PLA2G2C: variants seen among roughly 807,000 people sequenced by gnomAD.
The protein encoded by PLA2G2C is phospholipase A2 group IIC.
In PLA2G2C, 15 loss-of-function variants were observed where a neutral mutation model predicts 14.3. The observed-to-expected ratio is 1.05, with a 90% confidence interval of 0.70 to 1.62. The LOEUF (loss-of-function observed/expected upper bound fraction) is 1.62, where lower values mean the gene tolerates loss of function less well. Ranked by LOEUF, PLA2G2C falls within the 40% of genes most tolerant of loss-of-function variation. The pLI, the probability that PLA2G2C is intolerant of heterozygous loss-of-function variation, is 0.00. For synonymous variants in PLA2G2C, 79 were observed against 67.7 expected, an observed-to-expected ratio of 1.17 and a Z score of -0.82; for missense variants, 162 against 173.2, an observed-to-expected ratio of 0.94 and a Z score of 0.36.
At chr1:20,172,005 C>T (rs1170492258) in intron 4 of PLA2G2C, among the ~76,000 whole-genome samples, 3 of 151,700 alleles carry the variant, frequency 2.0e-5, no homozygotes, top group African/African-American at 4.8e-5. Context: ...CCTCGTGATC[C>T]GCCCGCCTCG....
At chr1:20,179,448 C>T (rs540414784) in intron 1 of PLA2G2C, among the ~76,000 whole-genome samples, 2 of 149,928 alleles carry the variant, frequency 1.3e-5, no homozygotes, top group East Asian at 2.0e-4. Context: ...TGTGTGTCAG[C>T]TTCTCCGTGT....
chr1:20,177,048 G>A (rs1464437693), intron 2 of PLA2G2C, among the ~76,000 whole-genome samples: 1 of 152,170 alleles, frequency 6.6e-6, no homozygotes, highest in Admixed American at 6.5e-5. Context: ...ACTCTTGAGG[G>A]TGAGGGGGGT....
chr1:20,185,753 G>A (rs2018362612), intron 1 of PLA2G2C, among the ~76,000 whole-genome samples: 1 of 152,166 alleles, frequency 6.6e-6, no homozygotes, highest in Admixed American at 6.5e-5. Flanking sequence ...GAGGGTCAGG[G>A]CCTGACCCAA....
chr1:20,179,212 C>CTGTGTG (rs35377696), intron 1 of PLA2G2C, among the ~76,000 whole-genome samples: 2,504 of 149,848 alleles, frequency 0.017, 61 homozygotes, highest in African/African-American at 0.057. Context: ...GTCAGTTTCT[C>CTGTGTG]TGTGTGTGTG....
At chr1:20,179,246 TC>T (rs2018237260) in intron 1 of PLA2G2C, among the ~76,000 whole-genome samples, 1 of 146,822 alleles carries the variant, frequency 6.8e-6, no homozygotes, top group Admixed American at 6.7e-5. Context: ...GTTAGCTTGT[TC>T]TTCTGTGTCA....
At chr1:20,183,408 G>A (rs2018307430) in intron 1 of PLA2G2C, among the ~76,000 whole-genome samples, 1 of 152,212 alleles carries the variant, frequency 6.6e-6, no homozygotes, top group Non-Finnish European at 1.5e-5. Flanking sequence ...CTTGGGGGTG[G>A]GACTCTGGGG....
intron 2 of PLA2G2C, among the ~76,000 whole-genome samples, chr1:20,176,773 C>T (rs752211030): frequency 1.3e-5 from 2 of 152,210 alleles, no homozygotes; most frequent in African/African-American, 2.4e-5. Context: ...GACAAACCTC[C>T]ACTCAACGAA....
At chr1:20,165,932 C>A (rs79861896) in intron 4 of PLA2G2C, among the ~76,000 whole-genome samples, 3 of 152,202 alleles carry the variant, frequency 2.0e-5, no homozygotes, top group Non-Finnish European at 4.4e-5. Context: ...GGCCACCAGA[C>A]GCCCGGTTTA....
At chr1:20,173,446 A>AG (rs1333633944) in intron 3 of PLA2G2C, among the ~76,000 whole-genome samples, 1 of 152,168 alleles carries the variant, frequency 6.6e-6, no homozygotes, top group Non-Finnish European at 1.5e-5. Context: ...GCCCTTTTGT[A>AG]GGGGAGGGAC....
Position 20,168,154 on chromosome 1 carries a change from C to G in PLA2G2C, c.284-3997G>C, listed in dbSNP as rs540122385. Among the ~76,000 whole-genome samples, 37 of 152,336 alleles carry G rather than the reference C, an allele frequency of 2.4e-4. 1 individual carries two copies. In the South Asian group the frequency reaches 3.7e-3, roughly 15 times the overall value. The stretch of plus-strand genomic sequence containing the variant: ...GAGACAGGAAGCCAGGTTCTTGGGC[C>G]AAATATGCTGCTTCTGTGCTTTGGG... On this transcript the variant is annotated intron_variant, in intron 4 of 4. Transcript: ENST00000679259.
intron 1 of PLA2G2C, among the ~76,000 whole-genome samples, chr1:20,183,940 G>A (rs974231141): frequency 1.4e-4 from 22 of 152,206 alleles, no homozygotes; most frequent in Admixed American, 1.2e-3. Flanking sequence ...CTCTGGGTAT[G>A]TGCCAGACAC....
chr1:20,176,108 AC>A (rs554082216), intron 2 of PLA2G2C, among the ~76,000 whole-genome samples: 49 of 152,010 alleles, frequency 3.2e-4, no homozygotes, highest in African/African-American at 1.1e-3. Flanking sequence ...ACGGGGTTTC[AC>A]CATCTTGGCC....
intron 1 of PLA2G2C, among the ~76,000 whole-genome samples, chr1:20,177,737 C>T (rs1289676038): frequency 3.3e-5 from 5 of 151,654 alleles, no homozygotes; most frequent in Non-Finnish European, 7.4e-5. Flanking sequence ...TTCCTCTGTT[C>T]CCGAGTTGGA....
intron 3 of PLA2G2C, 33 bp from the exon 4 acceptor site, chr1:20,172,930 G>T (rs1234430443): frequency 6.5e-7 from 1 of 1,550,384 alleles, no homozygotes; most frequent in Admixed American, 1.7e-5. Flanking sequence ...TCTGCTGGAG[G>T]ACCTTATCTG....
chr1:20,175,205 T>A lies in PLA2G2C; in HGVS notation c.41-60A>T, dbSNP rs764318077. ...AGTTGCAATGAGCATGATGCTGCCT[T>A]GATGTCCCCTCCCCTTACTAGAGTG... On this transcript the variant is annotated intron_variant, in intron 2 of 4. Transcript: ENST00000679259. The A allele has an allele frequency of 2.9e-5, 46 of 1,612,274 alleles. No homozygotes were observed. In the Admixed American group the frequency reaches 7.7e-4, roughly 27 times the overall value.
Position 20,175,165 on chromosome 1 carries a change from A to C in PLA2G2C, c.41-20T>G. On this transcript the variant is annotated intron_variant, in intron 2 of 4. Coordinates refer to ENST00000679259, the MANE Select transcript of PLA2G2C (RefSeq NM_001367969.2). ...TGGGGGCTGCCACCACCGATGAGAA[A>C]AAAAGGAAGAAGGAAGTTGCAATGA... is the stretch of plus-strand genomic sequence containing the variant. 1 of 1,613,934 alleles carries C rather than the reference A, an allele frequency of 6.2e-7. No individual in the cohort carries two copies. The highest frequency in any genetic ancestry group is 8.5e-7 in the Non-Finnish European group (1 of 1,179,866).
chr1:20,180,325 G>A (rs1184230827), intron 1 of PLA2G2C, among the ~76,000 whole-genome samples: 2 of 152,186 alleles, frequency 1.3e-5, no homozygotes, highest in African/African-American at 2.4e-5. Context: ...AAGGAGCAGT[G>A]AACTCTCTTG....
Position 20,186,507 on chromosome 1 carries a change from C to T in PLA2G2C, c.-224G>A, listed in dbSNP as rs1348582658. 6.6e-6 allele frequency: 1 copy of T among 152,322 alleles called. No homozygotes were observed. The highest frequency in any genetic ancestry group is 2.4e-5 in the African/African-American group (1 of 41,448). The allele number at this position is 152,322 out of a possible 1,614,324, so 9.4% of individuals were successfully genotyped here. The stretch of plus-strand genomic sequence containing the variant: ...GTCCCAGTCTCCGGCAGGGCAGAGA[C>T]GAGAACCAGAGGGCCCCTCCCCCAG... On this transcript the variant is annotated 5_prime_UTR_variant, in exon 1 of 5. Transcript: ENST00000679259.
At chr1:20,182,691 T>C (rs112371929) in intron 1 of PLA2G2C, among the ~76,000 whole-genome samples, 23 of 152,378 alleles carry the variant, frequency 1.5e-4, no homozygotes, top group African/African-American at 5.3e-4. Context: ...GCCTTGCTAC[T>C]AGAATATCCA....
Sources: gnomAD v4.1 joint callset for allele counts (sites outside exome capture counted in the v4.1 genomes callset) on GRCh38, gnomAD v4.1.1 for gene constraint, MANE v1.5 for transcripts, NCBI Gene and HGNC (gene_info 2026-07-23, HGNC 2026-07-21) for gene names.